The following UBE2E3 variants were observed in gnomAD, a reference collection of about 807,000 sequenced individuals.
UBE2E3 encodes the protein ubiquitin conjugating enzyme E2 E3, also known as ubiquitin-conjugating enzyme E2 E3.
A neutral mutation model predicts 23.6 loss-of-function variants in UBE2E3; 5 were observed. The observed-to-expected ratio is 0.21, with a 90% CI of 0.11 to 0.44. The LOEUF (loss-of-function observed/expected upper bound fraction) is 0.44. UBE2E3 is among the 20% of genes least tolerant of loss of function. The probability of loss-of-function intolerance (pLI) is 0.99; values close to 1 mark genes in which losing one functional copy is unlikely to be tolerated. For synonymous variants in UBE2E3, 78 were observed against 87.5 expected (o/e 0.89, Z 0.60); for missense variants, 81 against 249.8 (o/e 0.32, Z 4.55).
At chr2:181,023,025 G>A (rs899552953) in intron 3 of UBE2E3, among the ~76,000 whole-genome samples, 3 of 152,182 alleles carry the variant, frequency 2.0e-5, no homozygotes, top group African/African-American at 2.4e-5. Flanking sequence ...TGTTTTTTAC[G>A]ATGGTGAGAA....
intron 3 of UBE2E3, chr2:180,987,346 C>G: frequency 6.5e-7 from 1 of 1,549,840 alleles, no homozygotes; most frequent in Non-Finnish European, 8.7e-7. Context: ...AGAGGGTGTC[C>G]TTGTCCTCTC....
intron 3 of UBE2E3, among the ~76,000 whole-genome samples, chr2:181,035,393 T>A (rs1035631893): frequency 6.6e-6 from 1 of 152,176 alleles, no homozygotes; most frequent in African/African-American, 2.4e-5. Context: ...TGTTCTTTAT[T>A]TTAAAATGTA....
chr2:180,985,626 A>G (rs1293623573), intron 3 of UBE2E3, among the ~76,000 whole-genome samples: 2 of 152,134 alleles, frequency 1.3e-5, no homozygotes, highest in Admixed American at 1.3e-4. Context: ...AGCCTTCTAA[A>G]TGGTGTGTCA....
chr2:181,026,521 T>G (rs1685890460), intron 3 of UBE2E3, among the ~76,000 whole-genome samples: 1 of 151,770 alleles, frequency 6.6e-6, no homozygotes, highest in South Asian at 2.1e-4. Context: ...ACTATTTTTT[T>G]TTTTTTTTAA....
intron 4 of UBE2E3, among the ~76,000 whole-genome samples, chr2:181,058,139 CTTAA>C (rs1687037654): frequency 6.6e-6 from 1 of 151,444 alleles, no homozygotes; most frequent in Middle Eastern, 3.4e-3. Flanking sequence ...TTAATAATAC[CTTAA>C]TTAACTATTA....
chr2:181,039,336 C>G (rs906891957), intron 3 of UBE2E3, among the ~76,000 whole-genome samples: 2 of 151,876 alleles, frequency 1.3e-5, no homozygotes, highest in African/African-American at 4.8e-5. Flanking sequence ...TTGAAAAATA[C>G]AATAAATGGC....
At chr2:181,037,207 A>G (rs1455746926) in intron 3 of UBE2E3, among the ~76,000 whole-genome samples, 1 of 152,192 alleles carries the variant, frequency 6.6e-6, no homozygotes, top group Non-Finnish European at 1.5e-5. Context: ...AAATATAATT[A>G]TATGTAGTAC....
At chr2:181,057,548 A>G (rs1687022829) in intron 3 of UBE2E3, 145 bp from the exon 4 acceptor site, 1 of 615,352 alleles carries the variant, frequency 1.6e-6, no homozygotes, top group East Asian at 2.7e-5. Context: ...GCACATGCAA[A>G]CACATTGGGG....
intron 3 of UBE2E3, among the ~76,000 whole-genome samples, chr2:181,013,185 T>TTA (rs1306772571): frequency 1.3e-5 from 2 of 152,174 alleles, no homozygotes; most frequent in African/African-American, 4.8e-5. Flanking sequence ...ATACTGAGTG[T>TTA]TATGATAGTG....
chr2:181,017,596 C>T (rs934307732), intron 3 of UBE2E3, among the ~76,000 whole-genome samples: 3 of 151,184 alleles, frequency 2.0e-5, no homozygotes. Context: ...GGAAATGTAG[C>T]TTTTTCTAGA....
intron 3 of UBE2E3, among the ~76,000 whole-genome samples, chr2:181,019,990 T>G (rs185379416): frequency 9.2e-5 from 14 of 152,300 alleles, no homozygotes. Flanking sequence ...TTGACCAATA[T>G]CTCCCCATTT....
At chr2:181,010,811 CTTTTTT>C (rs574359411) in intron 3 of UBE2E3, among the ~76,000 whole-genome samples, 1 of 143,154 alleles carries the variant, frequency 7.0e-6, no homozygotes, top group South Asian at 2.2e-4. Flanking sequence ...ATATCCTCCT[CTTTTTT>C]TTTTTTTTAC....
intron 3 of UBE2E3, chr2:180,990,139 C>CT: frequency 1.4e-6 from 1 of 739,572 alleles, no homozygotes; most frequent in African/African-American, 1.7e-5. Flanking sequence ...ATCAGTGGTT[C>CT]TCAACTGAGG....
At chr2:181,021,570 T>TCCTTCCTTCCTTCCTTCCTC (rs1685685207) in intron 3 of UBE2E3, among the ~76,000 whole-genome samples, 5 of 76,248 alleles carry the variant, frequency 6.6e-5, no homozygotes, top group Non-Finnish European at 1.0e-4. Context: ...CTTCCTTCCT[T>TCCTTCCTTCCTTCCTTCCTC]CCTCCCTCCC....
rs1245520955 is a variant in UBE2E3 at position 180,980,655 on chromosome 2, G to A, written c.-344G>A. 1.4e-5 allele frequency: 2 copies of A among 147,908 alleles called. No individual in the cohort carries two copies. The highest frequency in any genetic ancestry group is 4.2e-4 in the South Asian group (2 of 4,746). 9.2% of individuals were successfully genotyped at this position (147,908 alleles called of 1,614,324 possible). The stretch of plus-strand genomic sequence containing the variant: ...AGGAGCCGAGCCGGGCGGCGGCGGC[G>A]GGAGGCTACAGCGCGCGGGGGTCTC... On this transcript the variant is annotated 5_prime_UTR_variant, in exon 1 of 6. Transcript: ENST00000410062. The surrounding 1 kb of genome is among the most constrained non-coding windows in gnomAD (Gnocchi z 5.5).
At chr2:181,039,562 G>A (rs1686412616) in intron 3 of UBE2E3, among the ~76,000 whole-genome samples, 1 of 152,052 alleles carries the variant, frequency 6.6e-6, no homozygotes, top group African/African-American at 2.4e-5. Flanking sequence ...CTTGAACTCA[G>A]GAGTTTGAGA....
At chr2:181,010,522 T>C (rs551037021) in intron 3 of UBE2E3, among the ~76,000 whole-genome samples, 58 of 152,322 alleles carry the variant, frequency 3.8e-4, no homozygotes, top group African/African-American at 1.3e-3. Flanking sequence ...TTTGCATATT[T>C]ATAGATTCTG....
At chr2:181,000,607 T>C (rs1559116601) in intron 3 of UBE2E3, among the ~76,000 whole-genome samples, 1 of 151,012 alleles carries the variant, frequency 6.6e-6, no homozygotes, top group Non-Finnish European at 1.5e-5. Flanking sequence ...CAGGCTGCAG[T>C]GCAGTGGCTT....
chr2:181,038,739 A>G (rs191644807), intron 3 of UBE2E3, among the ~76,000 whole-genome samples: 76 of 152,366 alleles, frequency 5.0e-4, no homozygotes, highest in African/African-American at 1.7e-3. Flanking sequence ...TACAAGTCTT[A>G]TATCTTAATA....
Sources: gnomAD v4.1 joint callset for allele counts (sites outside exome capture counted in the v4.1 genomes callset) on GRCh38, gnomAD v4.1.1 for gene constraint, Gnocchi (gnomAD v3.1) non-coding constraint, MANE v1.5 for transcripts, NCBI Gene and HGNC (gene_info 2026-07-23, HGNC 2026-07-21) for gene names.